The following FIGNL2 variants were observed in gnomAD, a reference collection of about 807,000 sequenced individuals.
FIGNL2 encodes fidgetin like 2, also known as fidgetin-like protein 2.
For synonymous variants in FIGNL2, 565 were observed against 484.0 expected (o/e 1.17, Z -2.20); for missense variants, 1,060 against 950.2 (o/e 1.12, Z -1.52).
At position 51,822,275 on chromosome 12, in the gene FIGNL2, C is replaced by T; in HGVS notation, c.139G>A (p.Ala47Thr). ...GTGAGGGCTGAGATGTCGTCGTGTGCCCAAGCGTAGTGGCAGCGTTGGCGA... is the reference window on the plus strand; with the variant it reads ...GTGAGGGCTGAGATGTCGTCGTGTGTCCAAGCGTAGTGGCAGCGTTGGCGA... ...GGRQRCHYAWAHDDISALTAS... is the reference protein window; with the variant it reads ...GGRQRCHYAWTHDDISALTAS... The change falls in exon 2 of 2, where the codon GCA becomes ACA. Residue 47 changes from alanine (A) to threonine (T), a missense_variant. Physicochemically the swap from Ala to Thr is moderately conservative, Grantham distance 58. Transcript: ENST00000618634. 1 of 1,611,624 alleles carries T rather than the reference C, an allele frequency of 6.2e-7. No individual in the cohort carries two copies. The highest frequency in any genetic ancestry group is 8.5e-7 in the Non-Finnish European group (1 of 1,178,962).
At chr12:51,842,889 T>C (rs1939685747) in intron 1 of FIGNL2, among the ~76,000 whole-genome samples, 1 of 152,218 alleles carries the variant, frequency 6.6e-6, no homozygotes, top group Non-Finnish European at 1.5e-5. Context: ...GTCCCCAACA[T>C]CTTGTGAGCT....
intron 1 of FIGNL2, among the ~76,000 whole-genome samples, chr12:51,834,067 A>AGACGGATGGGTGGATGGATGGATGGATG (rs1398275975): frequency 0.013 from 1,745 of 136,280 alleles, 4 homozygotes; most frequent in Non-Finnish European, 0.018. Context: ...ACAGATGGAC[A>AGACGGATGGGTGGATGGATGGATGGATG]GATGGATGAA....
At chr12:51,828,410 C>G (rs1362363880) in intron 1 of FIGNL2, 5 of 152,230 alleles carry the variant, frequency 3.3e-5, no homozygotes, top group Admixed American at 2.6e-4. Flanking sequence ...CTGCTGTGCA[C>G]ATAGGAAGCT....
In FIGNL2 at chr12:51,830,732, T is replaced by C. The variant is rs556866669; in HGVS notation, c.-11-8308A>G. ...GGTCTCAAACTCCTGACCTCATGAT[T>C]CGCCCGCCTTGGCCTCCTAAAGTGC... On this transcript the variant is annotated intron_variant, in intron 1 of 1. Transcript: ENST00000618634. Among the ~76,000 whole-genome samples, 27 of 152,026 alleles carry C rather than the reference T, an allele frequency of 1.8e-4. No individual in the cohort carries two copies. In the South Asian group the frequency reaches 4.4e-3, roughly 25 times the overall value.
At chr12:51,835,529 C>T (rs1939565860) in intron 1 of FIGNL2, 1 of 152,240 alleles carries the variant, frequency 6.6e-6, no homozygotes, top group African/African-American at 2.4e-5. Context: ...GCCTCTAATC[C>T]TGTACTGTCC....
At chr12:51,825,397 T>C (rs1339949285) in intron 1 of FIGNL2, among the ~76,000 whole-genome samples, 2 of 152,154 alleles carry the variant, frequency 1.3e-5, no homozygotes, top group Non-Finnish European at 2.9e-5. Flanking sequence ...CACCAGCCCC[T>C]GGCCTGGCCT....
At chr12:51,845,631 A>G (rs1316314896) in intron 1 of FIGNL2, 1 of 985,288 alleles carries the variant, frequency 1.0e-6, no homozygotes, top group Non-Finnish European at 1.2e-6. Flanking sequence ...GATAACCGCC[A>G]AGTCCAGGAG....
At chr12:51,825,619 CTT>C (rs770930359) in intron 1 of FIGNL2, among the ~76,000 whole-genome samples, 13 of 134,836 alleles carry the variant, frequency 9.6e-5, no homozygotes, top group Non-Finnish European at 8.0e-5. Flanking sequence ...CCATGACACT[CTT>C]TTTTTTTTTT....
At chr12:51,841,105 TG>T (rs904534440) in intron 1 of FIGNL2, among the ~76,000 whole-genome samples, 5 of 152,102 alleles carry the variant, frequency 3.3e-5, no homozygotes, top group East Asian at 1.9e-4. Flanking sequence ...TTCCCAGCCC[TG>T]GGGGGGCTGA....
In FIGNL2 at chr12:51,821,458, T is replaced by A. The variant is rs775166136; in HGVS notation, c.956A>T (p.Glu319Val). 6.5e-7 allele frequency: 1 copy of A among 1,539,466 alleles called. No homozygotes were observed. The highest frequency in any genetic ancestry group is 8.7e-7 in the Non-Finnish European group (1 of 1,146,518). The change falls in exon 2 of 2, where the codon GAG becomes GTG. Residue 319 changes from glutamate to valine, a missense_variant. By Grantham distance (121) the Glu-to-Val change is moderately radical. Coordinates refer to ENST00000618634, the MANE Select transcript of FIGNL2 (RefSeq NM_001384995.1). The stretch of plus-strand genomic sequence containing the variant: ...GCCGCCACCGTACTTGCCCGACGCC[T>A]CCTCCGCGGCTCCTGGCGGCTTGGC... ...FRAKPPGAAE[E>V]ASGKYGGGVP...
At chr12:51,830,521 T>C (rs910812236) in intron 1 of FIGNL2, among the ~76,000 whole-genome samples, 1 of 143,004 alleles carries the variant, frequency 7.0e-6, no homozygotes, top group African/African-American at 2.5e-5. Context: ...AGATGGAGTC[T>C]CACACTGTCG....
chr12:51,842,842 T>C (rs1055585800), intron 1 of FIGNL2, among the ~76,000 whole-genome samples: 75 of 152,176 alleles, frequency 4.9e-4, no homozygotes, highest in African/African-American at 1.7e-3. Context: ...GGGACAGTGG[T>C]CCTAAAAGCA....
At chr12:51,831,133 A>AT in intron 1 of FIGNL2, among the ~76,000 whole-genome samples, 1 of 152,312 alleles carries the variant, frequency 6.6e-6, no homozygotes, top group East Asian at 1.9e-4. Flanking sequence ...ACAACTGTTG[A>AT]TTTTTTGTGC....
chr12:51,848,621 C>A lies in FIGNL2; in HGVS notation c.-93G>T. On this transcript the variant is annotated 5_prime_UTR_variant, in exon 1 of 2. Coordinates refer to ENST00000618634, the MANE Select transcript of FIGNL2 (RefSeq NM_001384995.1). Reference sequence around the variant, plus strand: ...CCGGGGACCGGGGCGGCGGCGCGGGCCGGGGGCGACAGGCCTGGGCTGGGG... The same window carrying A: ...CCGGGGACCGGGGCGGCGGCGCGGGACGGGGGCGACAGGCCTGGGCTGGGG... 2.5e-6 allele frequency: 2 copies of A among 811,530 alleles called. No homozygotes were observed. The highest frequency in any genetic ancestry group is 3.0e-6 in the Non-Finnish European group (2 of 671,680). 50.3% of individuals were successfully genotyped at this position (811,530 alleles called of 1,614,324 possible). A position where few individuals can be genotyped will look rare whatever the true frequency, so the allele number is the denominator to read the frequency against.
At position 51,846,751 on chromosome 12, in the gene FIGNL2, C is replaced by T. The variant is rs149825555; in HGVS notation, c.-12+1789G>A. 1.3e-3 allele frequency among the ~76,000 whole-genome samples: 191 copies of T among 152,262 alleles called. 1 individual carries two copies. Among genetic ancestry groups the T allele is most frequent in the African/African-American group, 4.3e-3 (178 of 41,558 alleles). On this transcript the variant is annotated intron_variant, in intron 1 of 1. Coordinates refer to ENST00000618634, the MANE Select transcript of FIGNL2 (RefSeq NM_001384995.1). ...GGGGGTGGGGGCAACAGGAATCCCCCCGAGGAATGCGGGTCCTCTAGGCCT... is the reference window on the plus strand; with the variant it reads ...GGGGGTGGGGGCAACAGGAATCCCCTCGAGGAATGCGGGTCCTCTAGGCCT...
chr12:51,845,778 G>C (rs896205787), intron 1 of FIGNL2: 1 of 460,148 alleles, frequency 2.2e-6, no homozygotes, highest in Non-Finnish European at 2.9e-6. Flanking sequence ...CGGAGCTTGG[G>C]GGGAGAGTCG....
Position 51,821,089 on chromosome 12 carries a change from C to T in FIGNL2, c.1325G>A (p.Gly442Asp), listed in dbSNP as rs1939171497. ...GPRGAGKALL[G>D]RCLATQLGAT... The stretch of plus-strand genomic sequence containing the variant: ...GCCCAGCTGCGTGGCGAGGCAGCGG[C>T]CCAGCAGCGCTTTGCCCGCGCCCCG... Residue 442 changes from glycine to aspartate, a missense_variant, in exon 2 of 2, where the codon GGC (glycine) becomes GAC (aspartate). Coordinates refer to ENST00000618634, the MANE Select transcript of FIGNL2 (RefSeq NM_001384995.1). 1 of 1,352,650 alleles carries T rather than the reference C, an allele frequency of 7.4e-7. No homozygotes were observed. 83.8% of individuals were successfully genotyped at this position (1,352,650 alleles called of 1,614,324 possible).
In FIGNL2 at chr12:51,847,683, C is replaced by A. The variant is rs944613256; in HGVS notation, c.-12+857G>T. The A allele has an allele frequency of 8.1e-6, 8 of 985,284 alleles. No homozygotes were observed. The African/African-American group carries it at 1.0e-4, about 13-fold the overall frequency. 61.0% of individuals were successfully genotyped at this position (985,284 alleles called of 1,614,324 possible). A position where few individuals can be genotyped will look rare whatever the true frequency, so the allele number is the denominator to read the frequency against. On this transcript the variant is annotated intron_variant, in intron 1 of 1. Transcript: ENST00000618634. ...TCCTCCTCTGGCGGGGGCAGGGGGA[C>A]CAGCGGGGCTGGGGAAGGGCACCAG...
rs1186995428 is a variant in FIGNL2, at chr12:51,819,131, G to A, written c.*1321C>T. On this transcript the variant is annotated 3_prime_UTR_variant, in exon 2 of 2. Coordinates refer to ENST00000618634, the MANE Select transcript of FIGNL2 (RefSeq NM_001384995.1). ...TGGAATCCTCCTAGCATAAGTCACTGGGGACCTCTGCCAAGGCAGGGCCAG... is the reference window on the plus strand; with the variant it reads ...TGGAATCCTCCTAGCATAAGTCACTAGGGACCTCTGCCAAGGCAGGGCCAG... The A allele has an allele frequency of 1.3e-5, 2 of 152,166 alleles. No homozygotes were observed. The highest frequency in any genetic ancestry group is 2.9e-5 in the Non-Finnish European group (2 of 68,062). The allele number at this position is 152,166 out of a possible 1,614,324, so 9.4% of individuals were successfully genotyped here.
Sources: gnomAD v4.1 joint callset for allele counts (sites outside exome capture counted in the v4.1 genomes callset) on GRCh38, gnomAD v4.1.1 for gene constraint, MANE v1.5 for transcripts, NCBI Gene and HGNC (gene_info 2026-07-23, HGNC 2026-07-21) for gene names.